Variants in SPON1 observed in about 807,000 individuals in gnomAD.
SPON1 encodes spondin-1.
In SPON1, 52 loss-of-function variants were observed where a neutral mutation model predicts 111.7. The observed-to-expected ratio is 0.47, with a 90% CI of 0.37 to 0.59. The LOEUF (loss-of-function observed/expected upper bound fraction) is 0.59. Among genes scored for constraint, SPON1 ranks in the 20% least tolerant of loss-of-function variants. SPON1 has a pLI of 0.00. For synonymous variants in SPON1, 410 were observed against 395.8 expected, an observed-to-expected ratio of 1.04 and a Z score of -0.43; for missense variants, 957 against 1,068.5, an observed-to-expected ratio of 0.90 and a Z score of 1.46.
At chr11:14,152,146 A>G (rs1421776152) in intron 6 of SPON1, among the ~76,000 whole-genome samples, 1 of 152,142 alleles carries the variant, frequency 6.6e-6, no homozygotes, top group Non-Finnish European at 1.5e-5. Flanking sequence ...CTCCCTAGTC[A>G]TGCTTTTCAT....
intron 3 of SPON1, among the ~76,000 whole-genome samples, chr11:14,062,006 G>T (rs1159058667): frequency 3.3e-5 from 5 of 152,198 alleles, no homozygotes; most frequent in African/African-American, 1.2e-4. Flanking sequence ...ATGTGGGAGA[G>T]CTTGGCTAGT....
intron 2 of SPON1, among the ~76,000 whole-genome samples, chr11:14,039,856 G>A (rs1340116364): frequency 1.3e-5 from 2 of 152,042 alleles, no homozygotes; most frequent in Non-Finnish European, 1.5e-5. Context: ...CCCCAAAACA[G>A]CAAGAAAAAG....
intron 2 of SPON1, among the ~76,000 whole-genome samples, chr11:13,987,318 T>C (rs1392575732): frequency 6.6e-6 from 1 of 152,246 alleles, no homozygotes; most frequent in Admixed American, 6.5e-5. Flanking sequence ...TGACCAGTGA[T>C]GATAAGCATT....
intron 2 of SPON1, among the ~76,000 whole-genome samples, chr11:14,014,844 A>G (rs570064893): frequency 2.6e-5 from 4 of 152,352 alleles, no homozygotes; most frequent in African/African-American, 7.2e-5. Context: ...AAAATAGTAC[A>G]TGCATGCTAT....
chr11:14,080,269 C>T (rs1199862293), intron 5 of SPON1, among the ~76,000 whole-genome samples: 1 of 150,950 alleles, frequency 6.6e-6, no homozygotes, highest in Non-Finnish European at 1.5e-5. Flanking sequence ...CGCTCTGTTG[C>T]CGAGGCTGGA....
intron 2 of SPON1, among the ~76,000 whole-genome samples, chr11:14,023,028 C>CA (rs1197436262): frequency 2.0e-5 from 3 of 152,082 alleles, no homozygotes; most frequent in Non-Finnish European, 4.4e-5. Context: ...TGACGACAGC[C>CA]AAAGGGAACC....
intron 1 of SPON1, among the ~76,000 whole-genome samples, chr11:13,971,543 A>G (rs1170542266): frequency 1.3e-5 from 2 of 152,196 alleles, no homozygotes; most frequent in Non-Finnish European, 2.9e-5. Context: ...TTAATTTAAT[A>G]AAAAAACTTC....
chr11:14,090,807 T>A (rs1849045319), intron 5 of SPON1, among the ~76,000 whole-genome samples: 1 of 141,984 alleles, frequency 7.0e-6, no homozygotes, highest in Non-Finnish European at 1.5e-5. Context: ...CGCAGCCTGC[T>A]TTTATTCTCT....
At chr11:14,162,125 A>C (rs1477952696) in intron 6 of SPON1, among the ~76,000 whole-genome samples, 1 of 150,198 alleles carries the variant, frequency 6.7e-6, no homozygotes, top group Non-Finnish European at 1.5e-5. Context: ...GCCACTGCAC[A>C]CTAGCCTGGT....
intron 3 of SPON1, among the ~76,000 whole-genome samples, chr11:14,056,372 C>T (rs782784017): frequency 4.6e-5 from 7 of 152,152 alleles, no homozygotes; most frequent in Admixed American, 1.3e-4. Flanking sequence ...AAGAAGTGGT[C>T]TACCCAAGAA....
At chr11:14,057,669 G>C (rs1380917639) in intron 3 of SPON1, among the ~76,000 whole-genome samples, 1 of 151,944 alleles carries the variant, frequency 6.6e-6, no homozygotes, top group Non-Finnish European at 1.5e-5. Context: ...GCTCTTGTAA[G>C]TTTTCTTTAA....
At chr11:14,055,182 A>G (rs1187545110) in intron 3 of SPON1, among the ~76,000 whole-genome samples, 26 of 152,184 alleles carry the variant, frequency 1.7e-4, no homozygotes, top group Admixed American at 1.7e-3. Flanking sequence ...AGTAGATGCA[A>G]TAACACACTC....
intron 3 of SPON1, among the ~76,000 whole-genome samples, chr11:14,043,248 G>T (rs573846596): frequency 1.3e-5 from 2 of 152,310 alleles, no homozygotes; most frequent in South Asian, 2.1e-4. Flanking sequence ...AAGCCTTCTA[G>T]TGAAAACAAG....
chr11:14,243,306 T>A, intron 6 of SPON1, 26 bp from the exon 7 acceptor site: 1 of 1,564,740 alleles, frequency 6.4e-7, no homozygotes. Context: ...CTCTGTTCAC[T>A]AAATATTTGT....
At chr11:14,086,075 A>G (rs1190629454) in intron 5 of SPON1, among the ~76,000 whole-genome samples, 1 of 152,150 alleles carries the variant, frequency 6.6e-6, no homozygotes, top group Non-Finnish European at 1.5e-5. Context: ...TAAATATACA[A>G]TCATGTCATC....
At chr11:14,170,305 A>G (rs564919148) in intron 6 of SPON1, among the ~76,000 whole-genome samples, 2 of 151,848 alleles carry the variant, frequency 1.3e-5, no homozygotes, top group Non-Finnish European at 2.9e-5. Context: ...TTGTCTGTTA[A>G]TGGTGTATAA....
intron 2 of SPON1, among the ~76,000 whole-genome samples, chr11:14,000,185 A>G (rs1382571404): frequency 1.3e-5 from 2 of 152,096 alleles, no homozygotes; most frequent in African/African-American, 2.4e-5. Context: ...CTCCCTAGGC[A>G]TGGATATATG....
At chr11:14,112,943 G>T (rs935743670) in intron 5 of SPON1, among the ~76,000 whole-genome samples, 13 of 152,216 alleles carry the variant, frequency 8.5e-5, no homozygotes, top group Non-Finnish European at 1.8e-4. Context: ...AACACCAGGG[G>T]ATTTCTGGCC....
rs1021919261 is a variant in SPON1 at position 13,982,870 on chromosome 11, T to A, written c.262T>A (p.Ser88Thr). The change falls in exon 2 of 16, where the codon TCC becomes ACC. Residue 88 changes from serine (S) to threonine (T), a missense_variant. Ser to Thr is a moderately conservative substitution (Grantham distance 58, BLOSUM62 1). Coordinates refer to ENST00000576479, the MANE Select transcript of SPON1 (RefSeq NM_006108.4). ...YRVTLSAAPP[S>T]YFRGFTLIAL... The stretch of plus-strand genomic sequence containing the variant: ...AGTAACACTTTCAGCTGCTCCTCCC[T>A]CCTACTTCAGAGGATTCACATTAAT... 1.9e-6 allele frequency: 3 copies of A among 1,560,978 alleles called. No homozygotes were observed. The Admixed American group carries it at 5.7e-5, about 30-fold the overall frequency.
Sources: allele counts gnomAD v4.1 joint callset (sites outside exome capture counted in the v4.1 genomes callset), GRCh38; gene constraint gnomAD v4.1.1; transcripts MANE v1.5; gene names NCBI Gene and HGNC (gene_info 2026-07-23, HGNC 2026-07-21).